LRRC4C: variants seen among roughly 807,000 people sequenced by gnomAD.
LRRC4C encodes leucine-rich repeat-containing protein 4C.
Under a neutral mutation model 33.6 loss-of-function variants are expected in LRRC4C, and 5 were observed. The observed-to-expected ratio is 0.15, with a 90% CI of 0.08 to 0.31. LRRC4C has a LOEUF of 0.31. Ranked by LOEUF, LRRC4C falls within the 10% of genes least tolerant of loss-of-function variation. The probability of loss-of-function intolerance (pLI) is 1.00; values close to 1 mark genes in which losing one functional copy is unlikely to be tolerated. For synonymous variants in LRRC4C, 329 were observed against 302.0 expected, an observed-to-expected ratio of 1.09 and a Z score of -0.93; for missense variants, 560 against 796.7, an observed-to-expected ratio of 0.70 and a Z score of 3.58.
chr11:41,084,456 T>C (rs1939806400), intron 1 of LRRC4C, among the ~76,000 whole-genome samples: 1 of 152,214 alleles, frequency 6.6e-6, no homozygotes. Context: ...TAAATGTTAC[T>C]ATCTTATTTC....
intron 1 of LRRC4C, among the ~76,000 whole-genome samples, chr11:41,275,800 T>C (rs931880911): frequency 1.3e-5 from 2 of 152,188 alleles, no homozygotes; most frequent in African/African-American, 4.8e-5. Flanking sequence ...AACATTACAT[T>C]AAATTGATAG....
At chr11:40,505,683 C>G (rs532614904) in intron 3 of LRRC4C, among the ~76,000 whole-genome samples, 1 of 152,136 alleles carries the variant, frequency 6.6e-6, no homozygotes, top group African/African-American at 2.4e-5. Flanking sequence ...GCAAGAAAAA[C>G]ATTGCAGTTT....
In LRRC4C at chr11:40,160,969, T is replaced by G. The variant is rs945995882; in HGVS notation, c.-95-20116A>C. 3.3e-5 allele frequency among the ~76,000 whole-genome samples: 5 copies of G among 152,320 alleles called. No homozygotes were observed. In the East Asian group the frequency reaches 9.7e-4, roughly 29 times the overall value. ...TTCCCACCCAAAATTGAGCCTGTGT[T>G]GGGAAAGGCAGGAATCTTAATATCA... On this transcript the variant is annotated intron_variant, in intron 5 of 6. Transcript: ENST00000528697.
At chr11:40,295,655 G>GA (rs1944474663) in intron 4 of LRRC4C, among the ~76,000 whole-genome samples, 1 of 152,094 alleles carries the variant, frequency 6.6e-6, no homozygotes, top group African/African-American at 2.4e-5. Flanking sequence ...ATGCTGTAAC[G>GA]TGCATCTCAG....
intron 1 of LRRC4C, among the ~76,000 whole-genome samples, chr11:40,997,970 A>G (rs1330607140): frequency 1.3e-5 from 2 of 152,086 alleles, no homozygotes; most frequent in African/African-American, 4.8e-5. Flanking sequence ...GTTTTCCATT[A>G]AACCATGATG....
chr11:40,134,782 C>T (rs1856860383), intron 6 of LRRC4C, among the ~76,000 whole-genome samples: 1 of 152,196 alleles, frequency 6.6e-6, no homozygotes, highest in South Asian at 2.1e-4. Flanking sequence ...CCTGTCATTG[C>T]TTCCTCTGAT....
intron 1 of LRRC4C, among the ~76,000 whole-genome samples, chr11:41,425,964 A>G (rs1955024810): frequency 6.6e-6 from 1 of 152,142 alleles, no homozygotes. Flanking sequence ...ATGCAGTCAC[A>G]TATTGTAGAA....
chr11:40,671,010 G>A (rs769204147), intron 2 of LRRC4C, among the ~76,000 whole-genome samples: 2 of 152,280 alleles, frequency 1.3e-5, no homozygotes, highest in South Asian at 2.1e-4. Flanking sequence ...TGATCCGCCC[G>A]CCTTGGCCTC....
chr11:40,287,413 A>G (rs1943919756), intron 4 of LRRC4C, among the ~76,000 whole-genome samples: 4 of 152,122 alleles, frequency 2.6e-5, no homozygotes, highest in South Asian at 2.1e-4. Flanking sequence ...ATGTGCATGC[A>G]TTTGAGTTAT....
At chr11:41,449,471 A>C (rs901453630) in intron 1 of LRRC4C, among the ~76,000 whole-genome samples, 1 of 152,050 alleles carries the variant, frequency 6.6e-6, no homozygotes, top group African/African-American at 2.4e-5. Context: ...TGACATAAGG[A>C]GCAAAAAAAA....
At chr11:40,890,332 G>C (rs1955646031) in intron 2 of LRRC4C, among the ~76,000 whole-genome samples, 2 of 152,162 alleles carry the variant, frequency 1.3e-5, no homozygotes, top group African/African-American at 4.8e-5. Context: ...TGGGAAGAGA[G>C]AGACAGAGAG....
chr11:40,270,209 C>T (rs754081475), intron 4 of LRRC4C, among the ~76,000 whole-genome samples: 7 of 152,110 alleles, frequency 4.6e-5, no homozygotes, highest in African/African-American at 1.2e-4. Context: ...ACTAGTGTTG[C>T]CGTAACAAAA....
intron 3 of LRRC4C, among the ~76,000 whole-genome samples, chr11:40,557,524 A>C (rs1957376852): frequency 6.6e-6 from 1 of 152,198 alleles, no homozygotes; most frequent in Admixed American, 6.5e-5. Flanking sequence ...TCTTAACAAA[A>C]GCAATAATTA....
At chr11:40,438,306 C>T (rs1486731013) in intron 3 of LRRC4C, among the ~76,000 whole-genome samples, 1 of 152,168 alleles carries the variant, frequency 6.6e-6, no homozygotes, top group South Asian at 2.1e-4. Flanking sequence ...CCTTGACTGT[C>T]CTTAAAAAAT....
intron 2 of LRRC4C, among the ~76,000 whole-genome samples, chr11:40,714,112 C>T (rs549769736): frequency 6.6e-6 from 1 of 152,112 alleles, no homozygotes; most frequent in Non-Finnish European, 1.5e-5. Flanking sequence ...CAGCCAGCCC[C>T]ACCTTGCCAG....
At chr11:40,203,721 C>T (rs1862933551) in intron 5 of LRRC4C, among the ~76,000 whole-genome samples, 1 of 152,174 alleles carries the variant, frequency 6.6e-6, no homozygotes, top group African/African-American at 2.4e-5. Flanking sequence ...CAGAATCTCA[C>T]TTGAAAATGG....
At chr11:41,198,954 T>C (rs79882773) in intron 1 of LRRC4C, among the ~76,000 whole-genome samples, 3,114 of 152,162 alleles carry the variant, frequency 0.02, 111 homozygotes, top group African/African-American at 0.072. Context: ...GAAAATCTGT[T>C]CTAAAAGCGA....
chr11:40,287,957 C>T (rs1943954586), intron 4 of LRRC4C, among the ~76,000 whole-genome samples: 1 of 152,182 alleles, frequency 6.6e-6, no homozygotes, highest in Non-Finnish European at 1.5e-5. Context: ...AGAGTAACAG[C>T]TTCCCTCCAA....
chr11:40,599,613 T>G (rs1959765763), intron 3 of LRRC4C, among the ~76,000 whole-genome samples: 1 of 152,182 alleles, frequency 6.6e-6, no homozygotes, highest in African/African-American at 2.4e-5. Flanking sequence ...TCCACTAGAA[T>G]GAATGCTGGA....
Sources: gnomAD v4.1 joint callset for allele counts (sites outside exome capture counted in the v4.1 genomes callset) on GRCh38, gnomAD v4.1.1 for gene constraint, MANE v1.5 for transcripts, NCBI Gene and HGNC (gene_info 2026-07-23, HGNC 2026-07-21) for gene names.